RANBP17: variants seen among roughly 807,000 people sequenced by gnomAD.
RANBP17 encodes RAN binding protein 17, also known as ran-binding protein 17.
In RANBP17, 158 loss-of-function variants were observed where a neutral mutation model predicts 141.2. The ratio of observed to expected loss-of-function variants is 1.12; its 90% CI spans 0.98 to 1.28. The LOEUF (loss-of-function observed/expected upper bound fraction) is 1.28, where lower values mean the gene tolerates loss of function less well. Ranked by LOEUF, RANBP17 falls within the 50% of genes most tolerant of loss-of-function variation. The pLI is 0.00. For synonymous variants in RANBP17, 430 were observed against 450.0 expected (o/e 0.96, Z 0.56); for missense variants, 1,438 against 1,290.7 (o/e 1.11, Z -1.75).
At chr5:171,109,584 T>C (rs1484570353) in intron 14 of RANBP17, among the ~76,000 whole-genome samples, 1 of 152,222 alleles carries the variant, frequency 6.6e-6, no homozygotes, top group African/African-American at 2.4e-5. Flanking sequence ...TATTTACATT[T>C]AACTAGTGCA....
chr5:171,001,065 C>A (rs114833700), intron 14 of RANBP17, among the ~76,000 whole-genome samples: 4,213 of 152,020 alleles, frequency 0.028, 193 homozygotes, highest in African/African-American at 0.095. Context: ...ATAAGAAAAG[C>A]AAAGCAAAAT....
At chr5:170,932,724 T>C (rs1773501488) in intron 12 of RANBP17, among the ~76,000 whole-genome samples, 2 of 152,150 alleles carry the variant, frequency 1.3e-5, no homozygotes, top group African/African-American at 4.8e-5. Flanking sequence ...TTGATTTGCA[T>C]ATGTTGAACC....
intron 22 of RANBP17, among the ~76,000 whole-genome samples, chr5:171,236,447 G>T (rs1764552356): frequency 1.3e-5 from 2 of 152,264 alleles, no homozygotes; most frequent in Admixed American, 1.3e-4. Flanking sequence ...TAGCAAAACT[G>T]TAATCCCCTG....
intron 14 of RANBP17, among the ~76,000 whole-genome samples, chr5:171,093,516 A>G (rs1194268233): frequency 6.6e-6 from 1 of 152,232 alleles, no homozygotes; most frequent in Non-Finnish European, 1.5e-5. Flanking sequence ...TAGCTTATGT[A>G]AGAGGGAAGC....
intron 14 of RANBP17, among the ~76,000 whole-genome samples, chr5:171,163,427 A>G (rs1581769390): frequency 1.3e-5 from 2 of 152,344 alleles, no homozygotes; most frequent in South Asian, 4.1e-4. Context: ...AAGTCATTAA[A>G]TGCTCTATTC....
At chr5:171,131,679 C>T (rs1315437216) in intron 14 of RANBP17, among the ~76,000 whole-genome samples, 1 of 152,162 alleles carries the variant, frequency 6.6e-6, no homozygotes, top group Non-Finnish European at 1.5e-5. Context: ...ATTTATGATA[C>T]CTGTTTCTGA....
intron 11 of RANBP17, 121 bp downstream of exon 11, chr5:170,919,734 C>A: frequency 1.5e-6 from 1 of 668,990 alleles, no homozygotes; most frequent in Middle Eastern, 3.2e-4. Flanking sequence ...CTGACAAGTG[C>A]ACACAATTGT....
intron 14 of RANBP17, among the ~76,000 whole-genome samples, chr5:170,972,963 C>T (rs1269386747): frequency 6.6e-6 from 1 of 152,148 alleles, no homozygotes; most frequent in Non-Finnish European, 1.5e-5. Flanking sequence ...TGAATTCTTG[C>T]TTATGATGAA....
chr5:171,074,820 AAGC>A (rs1188825980), intron 14 of RANBP17, among the ~76,000 whole-genome samples: 1 of 152,150 alleles, frequency 6.6e-6, no homozygotes, highest in Non-Finnish European at 1.5e-5. Flanking sequence ...ATACCTGAAA[AAGC>A]TTGTTTATAT....
chr5:171,078,134 CTT>C (rs11331471), intron 14 of RANBP17, among the ~76,000 whole-genome samples: 182 of 122,760 alleles, frequency 1.5e-3, no homozygotes, highest in South Asian at 6.6e-3. Flanking sequence ...TCTTTTCTTT[CTT>C]TTTTTTTTTT....
In RANBP17 at chr5:171,086,424, T is replaced by A. The variant is rs1347308451; in HGVS notation, c.1711-83706T>A. ...CATCAAGGATATTGGTCTAAAATTC[T>A]CTTTTTGGTTGTGTCTCTGCCAGGC... On this transcript the variant is annotated intron_variant, in intron 14 of 27. Transcript: ENST00000523189. 5.9e-5 allele frequency among the ~76,000 whole-genome samples: 9 copies of A among 151,776 alleles called. No individual in the cohort carries two copies. In the East Asian group the frequency reaches 1.7e-3, roughly 29 times the overall value.
At chr5:170,987,960 T>G (rs1334935050) in intron 14 of RANBP17, among the ~76,000 whole-genome samples, 1 of 151,620 alleles carries the variant, frequency 6.6e-6, no homozygotes, top group African/African-American at 2.4e-5. Flanking sequence ...TACCATTATT[T>G]GACATCAAAT....
At chr5:170,964,750 G>A (rs924946189) in intron 13 of RANBP17, among the ~76,000 whole-genome samples, 3 of 152,202 alleles carry the variant, frequency 2.0e-5, no homozygotes, top group Non-Finnish European at 4.4e-5. Flanking sequence ...AGGCTGCCTA[G>A]TATACCATGG....
chr5:170,871,290 GCCTGCC>G (rs1767700992), intron 1 of RANBP17, among the ~76,000 whole-genome samples: 1 of 102,986 alleles, frequency 9.7e-6, no homozygotes, highest in Non-Finnish European at 2.3e-5. Flanking sequence ...CTCATGATCC[GCCTGCC>G]TCTGCCTCCC....
intron 4 of RANBP17, among the ~76,000 whole-genome samples, chr5:170,893,777 A>C (rs1286173992): frequency 1.3e-5 from 2 of 150,902 alleles, no homozygotes; most frequent in African/African-American, 4.9e-5. Flanking sequence ...TGGGCAACAG[A>C]GCAAGACTCC....
At chr5:171,297,141 A>G (rs1171382147) in intron 27 of RANBP17, among the ~76,000 whole-genome samples, 1 of 152,216 alleles carries the variant, frequency 6.6e-6, no homozygotes, top group Non-Finnish European at 1.5e-5. Flanking sequence ...CTGTTCTTTA[A>G]GAATGGCTGG....
chr5:170,911,361 C>G, intron 7 of RANBP17: 1 of 579,396 alleles, frequency 1.7e-6, no homozygotes, highest in South Asian at 2.2e-5. Flanking sequence ...AAGGACTGCA[C>G]TAGAGCTAAA....
chr5:171,021,869 G>C (rs932780976), intron 14 of RANBP17, among the ~76,000 whole-genome samples: 2 of 152,140 alleles, frequency 1.3e-5, no homozygotes, highest in Admixed American at 6.5e-5. Flanking sequence ...TAGATTTTCA[G>C]TGTTTTTTCA....
chr5:171,282,830 C>T (rs959390127), intron 25 of RANBP17, among the ~76,000 whole-genome samples: 3 of 152,088 alleles, frequency 2.0e-5, no homozygotes, highest in African/African-American at 7.2e-5. Flanking sequence ...CTCCTAAAGG[C>T]TCAGACCCTG....
Sources: allele counts gnomAD v4.1 joint callset (sites outside exome capture counted in the v4.1 genomes callset), GRCh38; gene constraint gnomAD v4.1.1; transcripts MANE v1.5; gene names NCBI Gene and HGNC (gene_info 2026-07-23, HGNC 2026-07-21).